AAMDC: variants seen among roughly 807,000 people sequenced by gnomAD.
The protein encoded by AAMDC is mth938 domain-containing protein.
AAMDC carries 16 observed loss-of-function variants against 15.5 expected under a neutral mutation model. The observed-to-expected ratio is 1.03, with a 90% CI of 0.70 to 1.57. The LOEUF is 1.57. Among genes scored for constraint, AAMDC ranks in the 40% most tolerant of loss-of-function variants. The pLI is 0.00. For missense variants in AAMDC, 141 were observed against 144.9 expected (o/e 0.97, Z 0.14); for synonymous variants, 51 against 51.6 (o/e 0.99, Z 0.05).
At chr11:77,903,724 T>G (rs2276349), downstream of AAMDC, 279,384 of 756,524 alleles carry the variant, frequency 0.37, 53,713 homozygotes, top group African/African-American at 0.45. Context: ...CCCATGAACA[T>G]GACTTCTCAA....
At chr11:77,903,615 C>G, downstream of AAMDC, 1 of 1,613,230 alleles carries the variant, frequency 6.2e-7, no homozygotes, top group South Asian at 1.1e-5. Flanking sequence ...ACTTTTCCTG[C>G]AAGGCCTACG....
chr11:77,835,974 A>G (rs1001406689), intron 1 of AAMDC, among the ~76,000 whole-genome samples: 2 of 152,198 alleles, frequency 1.3e-5, no homozygotes, highest in Non-Finnish European at 2.9e-5. Context: ...ATTGAAGAAT[A>G]CATGCTGTAG....
At chr11:77,890,515 C>G (rs1401627811) in intron 5 of AAMDC, among the ~76,000 whole-genome samples, 2 of 151,812 alleles carry the variant, frequency 1.3e-5, no homozygotes, top group Admixed American at 6.6e-5. Flanking sequence ...AAGGTTTAGC[C>G]CTGCATGTGG....
chr11:77,846,130 C>T (rs981742892), intron 2 of AAMDC, among the ~76,000 whole-genome samples: 2 of 151,978 alleles, frequency 1.3e-5, no homozygotes, highest in African/African-American at 2.4e-5. Context: ...CTATGTGGTT[C>T]TATAAAGTCT....
intron 2 of AAMDC, 61 bp from the exon 3 acceptor site, chr11:77,869,661 A>T (rs1346352695): frequency 6.9e-7 from 1 of 1,457,616 alleles, no homozygotes; most frequent in Non-Finnish European, 9.6e-7. Flanking sequence ...TCCCACAAGA[A>T]TGCCTATTGC....
At chr11:77,837,835 G>T (rs1565199607) in intron 1 of AAMDC, among the ~76,000 whole-genome samples, 1 of 152,130 alleles carries the variant, frequency 6.6e-6, no homozygotes, top group East Asian at 1.9e-4. Context: ...AAGACAGATT[G>T]CTTGAGCCCA....
rs34851335 is a variant in AAMDC at position 77,838,615 on chromosome 11, C to CTTTTT, written c.-18-3849_-18-3845dup. 2.3e-4 allele frequency among the ~76,000 whole-genome samples: 30 copies of CTTTTT among 129,334 alleles called. 2 individuals are homozygous for CTTTTT. The highest frequency in any genetic ancestry group is 2.4e-4 in the South Asian group (1 of 4,158). The allele number at this position is 129,334 out of a possible 152,430, so 84.8% of individuals were successfully genotyped here. On this transcript the variant is annotated intron_variant, in intron 1 of 3. Coordinates refer to ENST00000393427, the MANE Select transcript of AAMDC (RefSeq NM_024684.4). ...GGATAACCCTGACTGATACAAGTAC[C>CTTTTT]TTTTTTTTTTTTTTTTTTTGAGACA...
chr11:77,858,739 G>A (rs183987995), intron 2 of AAMDC, among the ~76,000 whole-genome samples: 22 of 152,258 alleles, frequency 1.4e-4, no homozygotes, highest in African/African-American at 3.9e-4. Flanking sequence ...AGATTTCCTT[G>A]GGAGGGATGC....
At position 77,837,811 on chromosome 11, in the gene AAMDC, C is replaced by T. The variant is rs938482089; in HGVS notation, c.-18-4668C>T. 1.2e-4 allele frequency among the ~76,000 whole-genome samples: 19 copies of T among 152,190 alleles called. No homozygotes were observed. In the South Asian group the frequency reaches 2.7e-3, roughly 22 times the overall value. ...GTGGCTCATGCCTATAATGCAAGCA[C>T]TTGGGAGGCTGAGAAGACAGATTGC... On this transcript the variant is annotated intron_variant, in intron 1 of 3. Coordinates refer to ENST00000393427, the MANE Select transcript of AAMDC (RefSeq NM_024684.4).
chr11:77,897,117 A>G (rs1952559335), intron 5 of AAMDC, among the ~76,000 whole-genome samples: 1 of 151,974 alleles, frequency 6.6e-6, no homozygotes, highest in African/African-American at 2.4e-5. Flanking sequence ...GCAATATGGA[A>G]ATAATTGGAA....
At chr11:77,905,939 T>C (rs1348783025) in intron 3 of AAMDC, among the ~76,000 whole-genome samples, 2 of 152,254 alleles carry the variant, frequency 1.3e-5, no homozygotes, top group Admixed American at 1.3e-4. Context: ...TATGTTGTTA[T>C]TGTCTGTTTT....
chr11:77,826,830 T>A (rs1204846818), intron 1 of AAMDC, among the ~76,000 whole-genome samples: 1 of 152,000 alleles, frequency 6.6e-6, no homozygotes, highest in Non-Finnish European at 1.5e-5. Context: ...TGGAGCTGGG[T>A]GCAATGGCTC....
At chr11:77,833,232 T>A (rs2136086013) in intron 1 of AAMDC, among the ~76,000 whole-genome samples, 1 of 151,754 alleles carries the variant, frequency 6.6e-6, no homozygotes, top group Non-Finnish European at 1.5e-5. Context: ...GCTGTTTATT[T>A]TTATTATTAT....
rs1470296945 is a variant in AAMDC at position 77,878,970 on chromosome 11, C to A, written c.328+1921C>A. On this transcript the variant is annotated intron_variant, in intron 5 of 5. Transcript: ENST00000304716. ...TGCCTTAGCGCCGTGCAGGTTTGGG[C>A]ATTATATAAACTTTTACAGGCTTGC... 8.7e-6 allele frequency: 14 copies of A among 1,613,824 alleles called. No homozygotes were observed. Among genetic ancestry groups the A allele is most frequent in the Non-Finnish European group, 1.1e-5 (13 of 1,179,998 alleles).
downstream of AAMDC, among the ~76,000 whole-genome samples, chr11:77,875,322 A>G (rs1344697165): frequency 6.6e-6 from 1 of 152,220 alleles, no homozygotes. Flanking sequence ...GCGTGTAAAC[A>G]TTACAGTGAG....
chr11:77,828,218 T>G (rs1013574530), intron 1 of AAMDC, among the ~76,000 whole-genome samples: 3 of 151,954 alleles, frequency 2.0e-5, no homozygotes, highest in Admixed American at 6.6e-5. Context: ...GAGGTTGCAG[T>G]GAGCCAAAAT....
intron 1 of AAMDC, among the ~76,000 whole-genome samples, chr11:77,826,361 C>CAA (rs200321410): frequency 3.5e-5 from 5 of 142,202 alleles, no homozygotes; most frequent in Admixed American, 2.1e-4. Flanking sequence ...GACATCATCT[C>CAA]AAAAAAAAAA....
chr11:77,826,015 A>G (rs1949154490), intron 1 of AAMDC, among the ~76,000 whole-genome samples: 1 of 152,100 alleles, frequency 6.6e-6, no homozygotes, highest in African/African-American at 2.4e-5. Flanking sequence ...AGACTTATGC[A>G]TGAGTCTATT....
intron 1 of AAMDC, chr11:77,831,862 ATTT>A (rs767406733): frequency 5.6e-4 from 45 of 80,802 alleles, no homozygotes; most frequent in Middle Eastern, 6.0e-3. Flanking sequence ...TGCCTGGCTA[ATTT>A]TTTTTTTTTT....
Sources: gnomAD v4.1 joint callset for allele counts (sites outside exome capture counted in the v4.1 genomes callset) on GRCh38, gnomAD v4.1.1 for gene constraint, MANE v1.5 for transcripts, NCBI Gene and HGNC (gene_info 2026-07-23, HGNC 2026-07-21) for gene names.